Variants in CRLF1 observed in about 807,000 individuals in gnomAD.
The protein encoded by CRLF1 is cytokine receptor-like factor 1.
CRLF1 carries 36 observed loss-of-function variants against 48.9 expected under a neutral mutation model. That is an observed-to-expected ratio of 0.74 (90% CI 0.56 to 0.97). The LOEUF is 0.97. Among genes scored for constraint, CRLF1 ranks in the 50% least tolerant of loss-of-function variants. The probability of loss-of-function intolerance (pLI) is 0.00; values close to 1 mark genes in which losing one functional copy is unlikely to be tolerated. For synonymous variants in CRLF1, 256 were observed against 253.4 expected, an observed-to-expected ratio of 1.01 and a Z score of -0.10; for missense variants, 534 against 575.1, an observed-to-expected ratio of 0.93 and a Z score of 0.73.
Position 18,599,770 on chromosome 19 carries a change from T to G in CRLF1, c.192A>C (p.Gly64=), listed in dbSNP as rs904584853. Residue 64 remains glycine (G), a synonymous_variant, in exon 2 of 9, where the codon GGA becomes GGC. Transcript: ENST00000392386. The part of the protein sequence containing the change: ...SSLLATCSVH[G]DPPGATAEGL... ...CCTCGGCGGTGGCTCCTGGTGGGTC[T>G]CCGTGCACTGAGCAGGTGGCCAGCA... is the stretch of plus-strand genomic sequence containing the variant. 6.3e-7 allele frequency: 1 copy of G among 1,593,812 alleles called. No individual in the cohort carries two copies. Among genetic ancestry groups the G allele is most frequent in the African/African-American group, 1.3e-5 (1 of 74,616 alleles).
rs8108207 is a variant in CRLF1, at chr19:18,598,958, G to A, written c.398-57C>T. The A allele has an allele frequency of 0.38, 600,514 of 1,600,274 alleles. 120,183 individuals are homozygous for A. The highest frequency in any genetic ancestry group is 0.67 in the African/African-American group (49,927 of 74,532). ...TGAGGGTCTGGACTAGCTGAGCCTC[G>A]GCTGAGGGGTTGCTGCCCACCCACC... On this transcript the variant is annotated intron_variant, in intron 2 of 8. Transcript: ENST00000392386.
At chr19:18,601,340 G>A (rs1039320049) in intron 1 of CRLF1, among the ~76,000 whole-genome samples, 9 of 151,646 alleles carry the variant, frequency 5.9e-5, no homozygotes, top group East Asian at 3.9e-4. Flanking sequence ...GCAATGGCAC[G>A]ATCTCGGCTC....
chr19:18,594,032 T>TTGCCGCC, intron 8 of CRLF1, 33 bp downstream of exon 8: 2 of 695,812 alleles, frequency 2.9e-6, no homozygotes, highest in Non-Finnish European at 4.4e-6. Context: ...CTCCCCTTGC[T>TTGCCGCC]CCCTCCCGCC....
At chr19:18,599,989 A>G (rs111859016) in intron 1 of CRLF1, 143 bp from the exon 2 acceptor site, 1 of 952,148 alleles carries the variant, frequency 1.1e-6, no homozygotes, top group Non-Finnish European at 1.5e-6. Context: ...GAAGGTAGAG[A>G]TCAGTTGGGT....
chr19:18,598,361 G>A, intron 4 of CRLF1, 71 bp downstream of exon 4: 1 of 1,525,528 alleles, frequency 6.6e-7, no homozygotes, highest in Non-Finnish European at 8.9e-7. Context: ...GAAGGTGCAG[G>A]GGACCCCTCG....
Position 18,593,296 on chromosome 19 carries a change from A to G in CRLF1, c.*270T>C. 1 of 526,198 alleles carries G rather than the reference A, an allele frequency of 1.9e-6. No homozygotes were observed. Among genetic ancestry groups the G allele is most frequent in the Non-Finnish European group, 3.4e-6 (1 of 291,132 alleles). The allele number at this position is 526,198 out of a possible 1,614,324, so 32.6% of individuals were successfully genotyped here. A position where few individuals can be genotyped will look rare whatever the true frequency, so the allele number is the denominator to read the frequency against. On this transcript the variant is annotated 3_prime_UTR_variant, in exon 9 of 9. Coordinates refer to ENST00000392386, the MANE Select transcript of CRLF1 (RefSeq NM_004750.5). ...TTTGGAGGGGCCCTAGGTAATGGGG[A>G]GTAATGACTCCCCTTCTCACCCCCA...
In CRLF1 at chr19:18,594,425, C is replaced by T; in HGVS notation, c.1034G>A (p.Gly345Asp). 4.0e-6 allele frequency: 6 copies of T among 1,491,042 alleles called. No individual in the cohort carries two copies. The highest frequency in any genetic ancestry group is 4.5e-6 in the Non-Finnish European group (5 of 1,119,268). 92.4% of individuals were successfully genotyped at this position (1,491,042 alleles called of 1,614,324 possible). A position where few individuals can be genotyped will look rare whatever the true frequency, so the allele number is the denominator to read the frequency against. ...CGGTTCGCACGCCCCGCCGCCCGGG[C>T]CCGGGCGCTCTGGTGGTGGGCGGAG... is the stretch of plus-strand genomic sequence containing the variant. Reference protein sequence around the residue: ...AASTPRSERPGPGGGACEPRG... With the variant: ...AASTPRSERPDPGGGACEPRG... Residue 345 changes from glycine to aspartate, a missense_variant, in exon 7 of 9, where the codon GGC (glycine) becomes GAC (aspartate). Coordinates refer to ENST00000392386, the MANE Select transcript of CRLF1 (RefSeq NM_004750.5).
intron 6 of CRLF1, among the ~76,000 whole-genome samples, chr19:18,594,766 A>G (rs1976108612): frequency 6.6e-6 from 1 of 151,910 alleles, no homozygotes; most frequent in East Asian, 1.9e-4. Flanking sequence ...GATGAGACAT[A>G]GAGATAGACA....
Position 18,597,431 on chromosome 19 carries a change from C to CTTTTTTTTTTTTTTTTTTTTT in CRLF1, c.698-383_698-382insAAAAAAAAAAAAAAAAAAAAA, listed in dbSNP as rs765610119. ...TCCCCACTCACACCTCCCTTCCACTCTTTTTTTTTTTTTTTTGAGACGGAG... is the reference window on the plus strand; with the variant it reads ...TCCCCACTCACACCTCCCTTCCACTCTTTTTTTTTTTTTTTTTTTTTTTTTTTTTTTTTTTTTGAGACGGAG... On this transcript the variant is annotated intron_variant, in intron 4 of 8. Coordinates refer to ENST00000392386, the MANE Select transcript of CRLF1 (RefSeq NM_004750.5). Among the ~76,000 whole-genome samples, 2 of 81,624 alleles carry CTTTTTTTTTTTTTTTTTTTTT rather than the reference C, an allele frequency of 2.5e-5. 1 individual carries two copies. The highest frequency in any genetic ancestry group is 1.3e-4 in the African/African-American group (2 of 15,292). The allele number at this position is 81,624 out of a possible 152,430, so 53.5% of individuals were successfully genotyped here.
At chr19:18,605,539 C>T (rs894694987) in intron 1 of CRLF1, among the ~76,000 whole-genome samples, 1 of 152,156 alleles carries the variant, frequency 6.6e-6, no homozygotes, top group Non-Finnish European at 1.5e-5. Context: ...TGTGTGTGAC[C>T]GTGAATGTGT....
intron 1 of CRLF1, among the ~76,000 whole-genome samples, chr19:18,605,407 A>T: frequency 6.6e-6 from 1 of 152,114 alleles, no homozygotes; most frequent in East Asian, 1.9e-4. Flanking sequence ...TGAGCCTGGG[A>T]GCAGTGTGTG....
chr19:18,594,032 T>TGGCCGCC, intron 8 of CRLF1, 33 bp downstream of exon 8: 1 of 695,814 alleles, frequency 1.4e-6, no homozygotes, highest in Non-Finnish European at 2.2e-6. Context: ...CTCCCCTTGC[T>TGGCCGCC]CCCTCCCGCC....
At chr19:18,595,248 A>G (rs1976116743) in intron 6 of CRLF1, among the ~76,000 whole-genome samples, 2 of 152,160 alleles carry the variant, frequency 1.3e-5, no homozygotes, top group Non-Finnish European at 2.9e-5. Flanking sequence ...CTGCGGACGC[A>G]GCGGCCTGCT....
At chr19:18,594,718 T>G (rs1341479678) in intron 6 of CRLF1, among the ~76,000 whole-genome samples, 39 of 126,888 alleles carry the variant, frequency 3.1e-4, no homozygotes, top group South Asian at 5.4e-4. Flanking sequence ...GCGAGTGGAG[T>G]GGGGGGAGGG....
At chr19:18,593,964 AG>A in intron 8 of CRLF1, 100 bp downstream of exon 8, 1 of 1,509,766 alleles carries the variant, frequency 6.6e-7, no homozygotes, top group Non-Finnish European at 8.9e-7. Context: ...AGCGACTCTA[AG>A]GCTGGGGTTG....
intron 3 of CRLF1, 21 bp downstream of exon 3, chr19:18,598,751 C>A: frequency 6.2e-7 from 1 of 1,614,036 alleles, no homozygotes; most frequent in Non-Finnish European, 8.5e-7. Context: ...ACACACACAT[C>A]GCCCTCAGGC....
chr19:18,593,429 G>GA lies in CRLF1; in HGVS notation c.*136_*137insT. 1 of 1,261,346 alleles carries GA rather than the reference G, an allele frequency of 7.9e-7. No homozygotes were observed. Among genetic ancestry groups the GA allele is most frequent in the Non-Finnish European group, 1.1e-6 (1 of 899,280 alleles). 78.1% of individuals were successfully genotyped at this position (1,261,346 alleles called of 1,614,324 possible). On this transcript the variant is annotated 3_prime_UTR_variant, in exon 9 of 9. Coordinates refer to ENST00000392386, the MANE Select transcript of CRLF1 (RefSeq NM_004750.5). ...CGTGGGAGTCAGAGCTGTTATGGCC[G>GA]TTGGAGCTCAGGGGCCACCCCAGCT...
chr19:18,595,220 C>T (rs1163523013), intron 6 of CRLF1, among the ~76,000 whole-genome samples: 2 of 152,232 alleles, frequency 1.3e-5, no homozygotes, highest in Non-Finnish European at 2.9e-5. Flanking sequence ...TGGCCTTCCC[C>T]GGCCTCCCCA....
At chr19:18,598,746 C>G (rs1340965825) in intron 3 of CRLF1, 26 bp downstream of exon 3, 1 of 1,614,082 alleles carries the variant, frequency 6.2e-7, no homozygotes, top group Admixed American at 1.7e-5. Flanking sequence ...CTGGGACACA[C>G]ACATCGCCCT....
Sources: allele counts gnomAD v4.1 joint callset (sites outside exome capture counted in the v4.1 genomes callset), GRCh38; gene constraint gnomAD v4.1.1; transcripts MANE v1.5; gene names NCBI Gene and HGNC (gene_info 2026-07-23, HGNC 2026-07-21).